Variants in ITGAE observed in about 807,000 individuals in gnomAD.
ITGAE encodes the protein integrin subunit alpha E.
Under a neutral mutation model 136.5 loss-of-function variants are expected in ITGAE, and 99 were observed. The ratio of observed to expected loss-of-function variants is 0.73; its 90% CI spans 0.62 to 0.86. The LOEUF (loss-of-function observed/expected upper bound fraction) is 0.86. Ranked by LOEUF, ITGAE falls within the 40% of genes least tolerant of loss-of-function variation. The probability of loss-of-function intolerance (pLI) is 0.00; values close to 1 mark genes in which losing one functional copy is unlikely to be tolerated. For synonymous variants in ITGAE, 613 were observed against 591.8 expected, an observed-to-expected ratio of 1.04 and a Z score of -0.52; for missense variants, 1,447 against 1,515.3, an observed-to-expected ratio of 0.95 and a Z score of 0.75.
At position 3,798,329 on chromosome 17, in the gene ITGAE, CA is replaced by C. The variant is rs1189927396; in HGVS notation, c.34+2781del. ...GTGGCCTCGCCTCTGCCCGCACCTC[CA>C]GGGCCCAGCATGTCCCGATTTGGGG... On this transcript the variant is annotated intron_variant, in intron 1 of 30. Transcript: ENST00000263087. The surrounding 1 kb of genome is among the most constrained non-coding windows in gnomAD (Gnocchi z 4.3). Among the ~76,000 whole-genome samples the C allele has an allele frequency of 6.6e-6, 1 of 152,172 alleles. No homozygotes were observed. The highest frequency in any genetic ancestry group is 1.5e-5 in the Non-Finnish European group (1 of 68,020).
chr17:3,788,456 ATTTTT>A (rs71155804), intron 1 of ITGAE, among the ~76,000 whole-genome samples: 5 of 103,250 alleles, frequency 4.8e-5, no homozygotes, highest in Admixed American at 1.2e-4. Context: ...GACCTGACTA[ATTTTT>A]TTTTTTTTTT....
intron 17 of ITGAE, among the ~76,000 whole-genome samples, chr17:3,747,459 AGGCACCTGCCC>A (rs2051743970): frequency 1.3e-5 from 2 of 152,040 alleles, no homozygotes; most frequent in Non-Finnish European, 2.9e-5. Flanking sequence ...CTGGGATTAC[AGGCACCTGCCC>A]GGCTAATTTT....
intron 1 of ITGAE, among the ~76,000 whole-genome samples, chr17:3,796,116 C>T (rs865903196): frequency 9.1e-5 from 1 of 11,012 alleles, no homozygotes; most frequent in East Asian, 6.9e-4. Flanking sequence ...TCCCTGTGTG[C>T]ATCCCTGTGT....
intron 17 of ITGAE, 94 bp from the exon 18 acceptor site, chr17:3,746,021 C>G (rs903518259): frequency 6.0e-5 from 68 of 1,141,482 alleles, no homozygotes; most frequent in Non-Finnish European, 7.6e-5. Flanking sequence ...TGTGGCCCCT[C>G]CTGAACAGTG....
chr17:3,733,295 C>T (rs2051389283), intron 21 of ITGAE, among the ~76,000 whole-genome samples: 1 of 151,956 alleles, frequency 6.6e-6, no homozygotes, highest in Admixed American at 6.6e-5. Flanking sequence ...TAGGAGATTG[C>T]TTCATTCATA....
At chr17:3,757,937 A>T in intron 8 of ITGAE, 78 bp from the exon 9 acceptor site, 1 of 1,510,588 alleles carries the variant, frequency 6.6e-7, no homozygotes, top group Non-Finnish European at 9.1e-7. Context: ...TTATTCTCTG[A>T]CCTGTATTAG....
chr17:3,771,530 TTC>T (rs1180719125), intron 2 of ITGAE, among the ~76,000 whole-genome samples: 2 of 143,652 alleles, frequency 1.4e-5, no homozygotes, highest in Admixed American at 6.8e-5. Context: ...GTGTGCATTT[TTC>T]TCTTTTTTTT....
intron 4 of ITGAE, 59 bp downstream of exon 4, chr17:3,761,856 A>C: frequency 6.8e-7 from 1 of 1,469,132 alleles, no homozygotes; most frequent in Non-Finnish European, 9.5e-7. Flanking sequence ...ACCAGGGTCA[A>C]CCACGAGGGC....
chr17:3,773,511 G>C lies in ITGAE; in HGVS notation c.155+4029C>G, dbSNP rs148772116. ...AAAGAAAAAAAAAAGATATTACAAA[G>C]GATACAGATGAGGAGATGCATAAGG... On this transcript the variant is annotated intron_variant, in intron 2 of 30. Coordinates refer to ENST00000263087, the MANE Select transcript of ITGAE (RefSeq NM_002208.5). Among the ~76,000 whole-genome samples, 450 of 151,576 alleles carry C rather than the reference G, an allele frequency of 3.0e-3. 5 individuals carry two copies. The highest frequency in any genetic ancestry group is 0.01 in the African/African-American group (425 of 41,308).
chr17:3,796,049 ATC>A (rs201554529), intron 1 of ITGAE, among the ~76,000 whole-genome samples: 19 of 44,258 alleles, frequency 4.3e-4, no homozygotes, highest in Non-Finnish European at 5.7e-4. Context: ...CCGTGTGTGC[ATC>A]TGTGTGTGTG....
rs150553919 is a variant in ITGAE at position 3,717,356 on chromosome 17, G to A, written c.3334-558C>T. ...AGACTAAAAAGTGTGTATTACCTAAGGGACATAATAAATGCAAATTATATC... is the reference window on the plus strand; with the variant it reads ...AGACTAAAAAGTGTGTATTACCTAAAGGACATAATAAATGCAAATTATATC... On this transcript the variant is annotated intron_variant, in intron 29 of 30. Transcript: ENST00000263087. 3.6e-3 allele frequency: 544 copies of A among 152,644 alleles called. 1 individual carries two copies. The highest frequency in any genetic ancestry group is 5.8e-3 in the Non-Finnish European group (395 of 68,276). 9.5% of individuals were successfully genotyped at this position (152,644 alleles called of 1,614,324 possible).
Position 3,747,914 on chromosome 17 carries a change from T to C in ITGAE, c.2155+8A>G. 1 of 1,555,998 alleles carries C rather than the reference T, an allele frequency of 6.4e-7. No homozygotes were observed. Among genetic ancestry groups the C allele is most frequent in the African/African-American group, 1.4e-5 (1 of 72,238 alleles). On this transcript the variant is annotated splice_region_variant and intron_variant, in intron 17 of 30. Transcript: ENST00000263087. The stretch of plus-strand genomic sequence containing the variant: ...ACCAGGCAGGGGTCAGCTGGACCAT[T>C]TTTTTACCTGACTCAGAGGCTGTGG...
chr17:3,743,469 C>A lies in ITGAE; in HGVS notation c.2448+20G>T, dbSNP rs1399381312. The A allele has an allele frequency of 1.9e-6, 3 of 1,569,968 alleles. No homozygotes were observed. The highest frequency in any genetic ancestry group is 2.6e-6 in the Non-Finnish European group (3 of 1,162,512). On this transcript the variant is annotated intron_variant, in intron 19 of 30. Coordinates refer to ENST00000263087, the MANE Select transcript of ITGAE (RefSeq NM_002208.5). ...GATAGGCTCTTAAGAGGGCTGGGTACTGGCTGTGGGTAGAGTCACCTGGAA... is the reference window on the plus strand; with the variant it reads ...GATAGGCTCTTAAGAGGGCTGGGTAATGGCTGTGGGTAGAGTCACCTGGAA...
At position 3,743,489 on chromosome 17, in the gene ITGAE, C is replaced by T; in HGVS notation, c.2448G>A (p.Gln816=). Residue 816 remains glutamine, a splice_region_variant and synonymous_variant, in exon 19 of 31, where the codon CAG becomes CAA. Coordinates refer to ENST00000263087, the MANE Select transcript of ITGAE (RefSeq NM_002208.5). Reference sequence around the variant, plus strand: ...GGGTACTGGCTGTGGGTAGAGTCACCTGGAAGATGGCAAAGGGCTCAGTGT... The same window carrying T: ...GGGTACTGGCTGTGGGTAGAGTCACTTGGAAGATGGCAAAGGGCTCAGTGT... ...DRYTEPFAIF[Q]LPYEKACKNK... 1 of 1,592,208 alleles carries T rather than the reference C, an allele frequency of 6.3e-7. No homozygotes were observed. Among genetic ancestry groups the T allele is most frequent in the South Asian group, 1.1e-5 (1 of 87,996 alleles).
At chr17:3,717,366 A>C (rs1346191080) in intron 29 of ITGAE, 1 of 152,406 alleles carries the variant, frequency 6.6e-6, no homozygotes, top group East Asian at 1.9e-4. Flanking sequence ...GGGACATAAT[A>C]AATGCAAATT....
intron 1 of ITGAE, among the ~76,000 whole-genome samples, chr17:3,794,549 G>C (rs1279086960): frequency 2.0e-5 from 3 of 152,280 alleles, no homozygotes; most frequent in Non-Finnish European, 4.4e-5. Context: ...GTAGGTGCTG[G>C]GAGAGTGGCC....
rs2051334082 is a variant in ITGAE, at chr17:3,731,201, A to G, written c.2755-18T>C. 6.2e-7 allele frequency: 1 copy of G among 1,605,078 alleles called. No individual in the cohort carries two copies. Among genetic ancestry groups the G allele is most frequent in the South Asian group, 1.1e-5 (1 of 90,900 alleles). On this transcript the variant is annotated intron_variant, in intron 22 of 30. Transcript: ENST00000263087. ...ACATGAGCCTATTTTAAAGGGGGAA[A>G]AATGGTCAGTTGATTCTCTCTATGC...
intron 1 of ITGAE, among the ~76,000 whole-genome samples, chr17:3,784,944 C>A (rs1248492569): frequency 6.6e-6 from 1 of 152,064 alleles, no homozygotes; most frequent in Non-Finnish European, 1.5e-5. Context: ...CCAGCCTGGG[C>A]AACATGGCTG....
At chr17:3,768,847 G>C (rs923703640) in intron 2 of ITGAE, among the ~76,000 whole-genome samples, 3 of 152,144 alleles carry the variant, frequency 2.0e-5, no homozygotes, top group Non-Finnish European at 2.9e-5. Flanking sequence ...CCAGGGTCTG[G>C]AGCAATGCCT....
Sources: gnomAD v4.1 joint callset for allele counts (sites outside exome capture counted in the v4.1 genomes callset) on GRCh38, gnomAD v4.1.1 for gene constraint, Gnocchi (gnomAD v3.1) non-coding constraint, MANE v1.5 for transcripts, NCBI Gene and HGNC (gene_info 2026-07-23, HGNC 2026-07-21) for gene names.